The following ARHGAP40 variants were observed in gnomAD, a reference collection of about 807,000 sequenced individuals.
ARHGAP40 encodes rho GTPase-activating protein 40.
Under a neutral mutation model 73.5 loss-of-function variants are expected in ARHGAP40, and 43 were observed. That is an observed-to-expected ratio of 0.58 (90% CI 0.46 to 0.75). The LOEUF (loss-of-function observed/expected upper bound fraction) is 0.75, where lower values mean the gene tolerates loss of function less well. ARHGAP40 is among the 30% of genes least tolerant of loss of function. ARHGAP40 has a pLI of 0.00. For synonymous variants in ARHGAP40, 300 were observed against 352.8 expected (o/e 0.85, Z 1.68); for missense variants, 734 against 861.8 (o/e 0.85, Z 1.86).
At chr20:38,645,265 T>A (rs535301749) in intron 11 of ARHGAP40, among the ~76,000 whole-genome samples, 5 of 152,162 alleles carry the variant, frequency 3.3e-5, no homozygotes, top group African/African-American at 1.2e-4. Flanking sequence ...ATACACCCCT[T>A]ATACCCCCAT....
chr20:38,650,330 T>A (rs549976441), exon 15 of ARHGAP40: 1 of 470,718 alleles, frequency 2.1e-6, no homozygotes, highest in African/African-American at 2.0e-5. Context: ...AGTTGGGGTC[T>A]TTTCCCCCCA....
intron 9 of ARHGAP40, among the ~76,000 whole-genome samples, chr20:38,640,189 TTTTCTTC>T (rs141290557): frequency 0.034 from 4,799 of 143,098 alleles, 276 homozygotes; most frequent in East Asian, 0.14. Context: ...TCTTTTCTTC[TTTTCTTC>T]TTTCTTCTTT....
Position 38,629,078 on chromosome 20 carries a change from T to C in ARHGAP40, c.634+76T>C, listed in dbSNP as rs889334102. ...AGGGCTGCTCTGTGAAGTAAGAGAA[T>C]GTGCACACCTCCCAGCATTTCCTGC... On this transcript the variant is annotated intron_variant, in intron 4 of 14. Coordinates refer to ENST00000373345, the Ensembl canonical transcript of ARHGAP40. The C allele has an allele frequency of 4.5e-6, 5 of 1,120,256 alleles. 1 individual carries two copies. In the African/African-American group the frequency reaches 8.3e-5, roughly 19 times the overall value. 69.4% of individuals were successfully genotyped at this position (1,120,256 alleles called of 1,614,324 possible).
chr20:38,639,946 G>A (rs1049838727), intron 9 of ARHGAP40, among the ~76,000 whole-genome samples: 16 of 152,162 alleles, frequency 1.1e-4, no homozygotes, highest in Non-Finnish European at 2.2e-4. Context: ...CAACCGTGAG[G>A]TTCTCCCTGT....
intron 1 of ARHGAP40, among the ~76,000 whole-genome samples, chr20:38,618,100 C>CT (rs745926184): frequency 3.0e-3 from 426 of 141,590 alleles, no homozygotes; most frequent in East Asian, 9.3e-3. Flanking sequence ...AATTTCTTGA[C>CT]TTTTTTTTTT....
In ARHGAP40 at chr20:38,646,115, C is replaced by T. The variant is rs1168244576; in HGVS notation, c.1638C>T (p.Cys546=). 3 of 1,304,186 alleles carry T rather than the reference C, an allele frequency of 2.3e-6. No homozygotes were observed. The highest frequency in any genetic ancestry group is 3.0e-6 in the Non-Finnish European group (3 of 988,870). 80.8% of individuals were successfully genotyped at this position (1,304,186 alleles called of 1,614,324 possible). The change falls in exon 12 of 15, where the codon TGC becomes TGT. Residue 546 remains cysteine, a synonymous_variant. Coordinates refer to ENST00000373345, the Ensembl canonical transcript of ARHGAP40. The surrounding 1 kb of genome is among the most constrained non-coding windows in gnomAD (Gnocchi z 4.5). ...GTAGCAGCAGGCGCCCCCAGCTCTG[C>T]GACGCAGGCCTCAAGACTTGGCTGC...
chr20:38,629,457 C>T lies in ARHGAP40; in HGVS notation c.635-45C>T, dbSNP rs758262826. ...AACCCAAGCACTTGCTTCCTGGCAG[C>T]CAGTTCTCACTGCCTTTCTCTGCTT... On this transcript the variant is annotated intron_variant, in intron 4 of 14. Coordinates refer to ENST00000373345, the Ensembl canonical transcript of ARHGAP40. The T allele has an allele frequency of 2.4e-4, 308 of 1,302,898 alleles. 1 individual carries two copies. Among genetic ancestry groups the T allele is most frequent in the Non-Finnish European group, 1.1e-4 (110 of 987,748 alleles). 80.7% of individuals were successfully genotyped at this position (1,302,898 alleles called of 1,614,324 possible). A position where few individuals can be genotyped will look rare whatever the true frequency, so the allele number is the denominator to read the frequency against.
At chr20:38,621,694 T>A (rs2088874534) in intron 1 of ARHGAP40, among the ~76,000 whole-genome samples, 1 of 152,234 alleles carries the variant, frequency 6.6e-6, no homozygotes, top group African/African-American at 2.4e-5. Flanking sequence ...CTTTGCTCAC[T>A]TCTGCATTGC....
At chr20:38,650,448 C>G (rs1462467522) in exon 15 of ARHGAP40, 1 of 465,432 alleles carries the variant, frequency 2.1e-6, no homozygotes, top group African/African-American at 2.1e-5. Context: ...CTCTCAGAAT[C>G]CTTTCAGGAT....
chr20:38,619,371 C>A (rs576998428), intron 1 of ARHGAP40, among the ~76,000 whole-genome samples: 3 of 151,942 alleles, frequency 2.0e-5, no homozygotes, highest in South Asian at 4.2e-4. Context: ...GTGGTCCAGG[C>A]GAGAAGTGAT....
chr20:38,624,932 C>T (rs999874317), intron 2 of ARHGAP40, among the ~76,000 whole-genome samples: 2 of 152,238 alleles, frequency 1.3e-5, no homozygotes, highest in African/African-American at 4.8e-5. Context: ...CATCATCGGC[C>T]CTTTTCACTG....
chr20:38,628,430 G>A (rs1435532548), intron 3 of ARHGAP40, among the ~76,000 whole-genome samples: 7 of 151,794 alleles, frequency 4.6e-5, no homozygotes, highest in South Asian at 2.1e-4. Flanking sequence ...TCAGCCTGCC[G>A]AGTAGCTGGG....
chr20:38,643,395 A>G (rs1219818536), intron 10 of ARHGAP40, among the ~76,000 whole-genome samples: 1 of 152,174 alleles, frequency 6.6e-6, no homozygotes, highest in East Asian at 1.9e-4. Flanking sequence ...CTCACCAGGA[A>G]ATGACCCATG....
chr20:38,612,702 A>G (rs1181348459), intron 1 of ARHGAP40, among the ~76,000 whole-genome samples: 1 of 152,120 alleles, frequency 6.6e-6, no homozygotes, highest in African/African-American at 2.4e-5. Flanking sequence ...AAGAGATAAG[A>G]AAAGAAAAGG....
chr20:38,642,693 T>G lies in ARHGAP40; in HGVS notation c.1362+885T>G, dbSNP rs187175601. ...CATTTATTCTCATTCGTCCATCTAT[T>G]AATCTTTTCTTTCTCCATTCATCCA... On this transcript the variant is annotated intron_variant, in intron 10 of 14. Transcript: ENST00000373345. 6.0e-3 allele frequency among the ~76,000 whole-genome samples: 908 copies of G among 151,850 alleles called. 3 individuals carry two copies. The highest frequency in any genetic ancestry group is 0.01 in the Non-Finnish European group (692 of 67,924).
At position 38,607,935 on chromosome 20, in the gene ARHGAP40, AT is replaced by A. The variant is rs531820863; in HGVS notation, c.137+5864del. Among the ~76,000 whole-genome samples, 638 of 151,652 alleles carry A rather than the reference AT, an allele frequency of 4.2e-3. 4 individuals carry two copies. The highest frequency in any genetic ancestry group is 6.8e-3 in the Middle Eastern group (2 of 294). ...AACTTTCCCAGTAGATTTTTTGGGTATTTTTTTTCTTGTTGCTTTCCAGGAA... is the reference window on the plus strand; with the variant it reads ...AACTTTCCCAGTAGATTTTTTGGGTATTTTTTTCTTGTTGCTTTCCAGGAA... On this transcript the variant is annotated intron_variant, in intron 1 of 14. Transcript: ENST00000373345.
chr20:38,627,410 G>GTGTGTTGGGGGTGTGTGTGTTGTC (rs1308364530), intron 3 of ARHGAP40, among the ~76,000 whole-genome samples, 195 bp downstream of exon 3: 138 of 122,550 alleles, frequency 1.1e-3, no homozygotes, highest in Non-Finnish European at 1.9e-3. Context: ...GTTGGGGTAT[G>GTGTGTTGGGGGTGTGTGTGTTGTC]TGTGTTGGGG....
intron 1 of ARHGAP40, chr20:38,615,299 C>T (rs1189429424): frequency 2.5e-5 from 19 of 772,922 alleles, no homozygotes; most frequent in East Asian, 9.7e-5. Flanking sequence ...AGGGAGCAGT[C>T]GACATTTCTG....
Position 38,619,987 on chromosome 20 carries a change from G to A in ARHGAP40, c.138-3372G>A, listed in dbSNP as rs187975074. 3.2e-4 allele frequency among the ~76,000 whole-genome samples: 48 copies of A among 152,244 alleles called. 1 individual carries two copies. The East Asian group carries it at 4.6e-3, about 15-fold the overall frequency. ...CTTGGGGGGCTGAGGTGGGAGCATC[G>A]CTTGAGCCCAAGACTTCGAGGCAGC... On this transcript the variant is annotated intron_variant, in intron 1 of 14. Coordinates refer to ENST00000373345, the Ensembl canonical transcript of ARHGAP40.
Sources: allele counts gnomAD v4.1 joint callset (sites outside exome capture counted in the v4.1 genomes callset), GRCh38; gene constraint gnomAD v4.1.1; non-coding constraint Gnocchi (gnomAD v3.1); transcripts MANE v1.5; gene names NCBI Gene and HGNC (gene_info 2026-07-23, HGNC 2026-07-21).